Variants in ETFBKMT observed in about 807,000 individuals in gnomAD.
ETFBKMT encodes electron transfer flavoprotein subunit beta lysine methyltransferase, also known as electron transfer flavoprotein beta subunit lysine methyltransferase.
Under a neutral mutation model 18.3 loss-of-function variants are expected in ETFBKMT, and 13 were observed. The observed-to-expected ratio is 0.71, with a 90% CI of 0.46 to 1.13. The LOEUF (loss-of-function observed/expected upper bound fraction) is 1.13, where lower values mean the gene tolerates loss of function less well. Among genes scored for constraint, ETFBKMT ranks in the 50% most tolerant of loss-of-function variants. The probability of loss-of-function intolerance (pLI) is 0.00; values close to 1 mark genes in which losing one functional copy is unlikely to be tolerated. For missense variants in ETFBKMT, 293 were observed against 306.2 expected (o/e 0.96, Z 0.32); for synonymous variants, 84 against 107.9 (o/e 0.78, Z 1.37).
chr12:31,651,362 T>A (rs1459810167), intron 1 of ETFBKMT, among the ~76,000 whole-genome samples: 1 of 149,396 alleles, frequency 6.7e-6, no homozygotes, highest in African/African-American at 2.5e-5. Flanking sequence ...CAGGCTGGAG[T>A]GCAGTGGCGC....
chr12:31,665,078 A>G (rs1046581656), intron 2 of ETFBKMT, among the ~76,000 whole-genome samples: 1 of 150,988 alleles, frequency 6.6e-6, no homozygotes, highest in South Asian at 2.1e-4. Context: ...CTGGGATTGC[A>G]GGTGCCCGCC....
At position 31,672,417 on chromosome 12, in the gene ETFBKMT, A is replaced by G; in HGVS notation, c.*4427A>G. 1 of 1,386,260 alleles carries G rather than the reference A, an allele frequency of 7.2e-7. No homozygotes were observed. Among genetic ancestry groups the G allele is most frequent in the Non-Finnish European group, 1.0e-6 (1 of 996,938 alleles). The allele number at this position is 1,386,260 out of a possible 1,614,324, so 85.9% of individuals were successfully genotyped here. On this transcript the variant is annotated 3_prime_UTR_variant, in exon 4 of 4. Transcript: ENST00000357721. ...AATGACAATATATTAATTGACAATAAAAAATGTTTAATGTTTCCTCATGTC... is the reference window on the plus strand; with the variant it reads ...AATGACAATATATTAATTGACAATAGAAAATGTTTAATGTTTCCTCATGTC...
intron 2 of ETFBKMT, among the ~76,000 whole-genome samples, chr12:31,664,229 G>T (rs4931536): frequency 0.1 from 15,270 of 151,746 alleles, 1,108 homozygotes; most frequent in East Asian, 0.28. Context: ...CTCTTCGCTT[G>T]TTTGGTAACT....
chr12:31,651,237 C>T (rs1399585755), intron 1 of ETFBKMT, among the ~76,000 whole-genome samples: 2 of 152,054 alleles, frequency 1.3e-5, no homozygotes, highest in African/African-American at 4.8e-5. Flanking sequence ...AGTTGCTTTG[C>T]CCTCCCCACT....
intron 1 of ETFBKMT, among the ~76,000 whole-genome samples, chr12:31,647,485 T>C (rs901020916): frequency 1.3e-5 from 2 of 152,218 alleles, no homozygotes; most frequent in African/African-American, 4.8e-5. Flanking sequence ...TTCACTTCTT[T>C]ACCTCTAAAA....
upstream of ETFBKMT, chr12:31,659,149 T>C (rs1303557133): frequency 6.6e-6 from 1 of 152,038 alleles, no homozygotes; most frequent in African/African-American, 2.4e-5. Flanking sequence ...TTTAAGAAAG[T>C]GGAGGAGAAA....
intron 1 of ETFBKMT, among the ~76,000 whole-genome samples, chr12:31,649,679 T>C (rs913680602): frequency 2.6e-5 from 4 of 152,156 alleles, no homozygotes; most frequent in Admixed American, 2.6e-4. Context: ...TCTGTGATCA[T>C]AGATCTTTGA....
chr12:31,672,359 A>C lies in ETFBKMT; in HGVS notation c.*4369A>C, dbSNP rs1951293890. Reference sequence around the variant, plus strand: ...TTTGTTTGGGCCTACTAATTGCTCCAACACTTCTCGGGAATGATCTATAAA... The same window carrying C: ...TTTGTTTGGGCCTACTAATTGCTCCCACACTTCTCGGGAATGATCTATAAA... On this transcript the variant is annotated 3_prime_UTR_variant, in exon 4 of 4. Coordinates refer to ENST00000357721, the MANE Select transcript of ETFBKMT (RefSeq NM_001135863.2). The C allele has an allele frequency of 6.3e-7, 1 of 1,575,362 alleles. No individual in the cohort carries two copies. The highest frequency in any genetic ancestry group is 1.4e-5 in the African/African-American group (1 of 74,072).
At chr12:31,660,013 A>C (rs953092217) in intron 1 of ETFBKMT, 1 of 144,802 alleles carries the variant, frequency 6.9e-6, no homozygotes, top group African/African-American at 2.5e-5. Context: ...AAAAAAATAC[A>C]AAAATTAGCC....
rs137905649 is a variant in ETFBKMT at position 31,668,393 on chromosome 12, A to T, written c.*403A>T. ...CAAAACAGAAGAAGACTATATATATATTTTTTCTTTTTTTAGAGACAGTCT... is the reference window on the plus strand; with the variant it reads ...CAAAACAGAAGAAGACTATATATATTTTTTTTCTTTTTTTAGAGACAGTCT... On this transcript the variant is annotated 3_prime_UTR_variant, in exon 4 of 4. Transcript: ENST00000357721. 1,858 of 153,290 alleles carry T rather than the reference A, an allele frequency of 0.012. 17 individuals are homozygous for T. The highest frequency in any genetic ancestry group is 0.02 in the Non-Finnish European group (1,390 of 69,068). The allele number at this position is 153,290 out of a possible 1,614,324, so 9.5% of individuals were successfully genotyped here. A position where few individuals can be genotyped will look rare whatever the true frequency, so the allele number is the denominator to read the frequency against.
chr12:31,672,459 TA>T lies in ETFBKMT; in HGVS notation c.*4471del. 4 of 950,252 alleles carry T rather than the reference TA, an allele frequency of 4.2e-6. No individual in the cohort carries two copies. The South Asian group carries it at 5.6e-5, about 13-fold the overall frequency. 58.9% of individuals were successfully genotyped at this position (950,252 alleles called of 1,614,324 possible). ...CCTCATGTCTAACTGGAGGTGATGTTAATTATTATACAGTTATTTAAAGGAT... is the reference window on the plus strand; with the variant it reads ...CCTCATGTCTAACTGGAGGTGATGTTATTATTATACAGTTATTTAAAGGAT... On this transcript the variant is annotated 3_prime_UTR_variant, in exon 4 of 4. Transcript: ENST00000357721.
In ETFBKMT at chr12:31,672,778, T is replaced by A; in HGVS notation, c.*4788T>A. 1 of 167,186 alleles carries A rather than the reference T, an allele frequency of 6.0e-6. No homozygotes were observed. The highest frequency in any genetic ancestry group is 1.5e-4 in the South Asian group (1 of 6,506). The allele number at this position is 167,186 out of a possible 1,614,324, so 10.4% of individuals were successfully genotyped here. ...TGAACAGCATTTAATGAAGGGAATATTTACCAAAAAAGTAGGATTAAAGAA... is the reference window on the plus strand; with the variant it reads ...TGAACAGCATTTAATGAAGGGAATAATTACCAAAAAAGTAGGATTAAAGAA... On this transcript the variant is annotated 3_prime_UTR_variant, in exon 4 of 4. Transcript: ENST00000357721.
upstream of ETFBKMT, among the ~76,000 whole-genome samples, chr12:31,657,377 C>T (rs1417233121): frequency 2.0e-5 from 3 of 152,150 alleles, no homozygotes; most frequent in African/African-American, 4.8e-5. Flanking sequence ...CAACACCAAA[C>T]AACAGAAAAG....
chr12:31,667,948 C>G lies in ETFBKMT; in HGVS notation c.747C>G (p.Asn249Lys), dbSNP rs760557243. Residue 249 changes from asparagine (N) to lysine (K), a missense_variant, in exon 4 of 4, where the codon AAC (asparagine) becomes AAG (lysine). By Grantham distance (94) the Asn-to-Lys change is moderately conservative. Coordinates refer to ENST00000357721, the MANE Select transcript of ETFBKMT (RefSeq NM_001135863.2). ...YSLLESTRQE[N>K]SGLTTSTVWG... ...TTTTGGAGTCTACTAGGCAGGAAAA[C>G]AGTGGACTGACAACAAGCACAGTGT... 1 of 1,614,136 alleles carries G rather than the reference C, an allele frequency of 6.2e-7. No homozygotes were observed. The highest frequency in any genetic ancestry group is 1.3e-5 in the African/African-American group (1 of 75,034).
intron 2 of ETFBKMT, among the ~76,000 whole-genome samples, chr12:31,664,091 C>G (rs1374006345): frequency 1.3e-5 from 2 of 151,336 alleles, no homozygotes; most frequent in Non-Finnish European, 2.9e-5. Context: ...AGCCTATGTC[C>G]AACGGGTCCC....
intron 1 of ETFBKMT, among the ~76,000 whole-genome samples, chr12:31,660,281 G>A (rs1951106017): frequency 6.7e-6 from 1 of 149,890 alleles, no homozygotes; most frequent in South Asian, 2.1e-4. Context: ...TTTTTGAACT[G>A]TTTGAAAACA....
chr12:31,667,630 C>CTTTTTT lies in ETFBKMT; in HGVS notation c.446-9_446-4dup, dbSNP rs200203445. 1 of 1,378,002 alleles carries CTTTTTT rather than the reference C, an allele frequency of 7.3e-7. No individual in the cohort carries two copies. 85.4% of individuals were successfully genotyped at this position (1,378,002 alleles called of 1,614,324 possible). Reference sequence around the variant, plus strand: ...CTAGCATATACCAATTCATTTTGTGCTTTTTTTTTTTTTAAGTTGCAGGAA... The same window carrying CTTTTTT: ...CTAGCATATACCAATTCATTTTGTGCTTTTTTTTTTTTTTTTTTTAAGTTGCAGGAA... On this transcript the variant is annotated splice_polypyrimidine_tract_variant and intron_variant, in intron 3 of 3. Transcript: ENST00000357721.
upstream of ETFBKMT, among the ~76,000 whole-genome samples, chr12:31,657,731 A>G (rs559582121): frequency 6.6e-6 from 1 of 150,606 alleles, no homozygotes; most frequent in African/African-American, 2.4e-5. Flanking sequence ...GGCAGAGGTT[A>G]CAATGAGCCG....
chr12:31,655,010 C>G (rs577784904), upstream of ETFBKMT, among the ~76,000 whole-genome samples: 1 of 150,942 alleles, frequency 6.6e-6, no homozygotes, highest in Non-Finnish European at 1.5e-5. Context: ...GAGCCAAGAT[C>G]GCGCCACTGC....
Sources: allele counts gnomAD v4.1 joint callset (sites outside exome capture counted in the v4.1 genomes callset), GRCh38; gene constraint gnomAD v4.1.1; transcripts MANE v1.5; gene names NCBI Gene and HGNC (gene_info 2026-07-23, HGNC 2026-07-21).